The following PDS5A variants were observed in gnomAD, a reference collection of about 807,000 sequenced individuals.
PDS5A encodes PDS5 cohesin associated factor A, also known as sister chromatid cohesion protein PDS5 homolog A.
Under a neutral mutation model 167.1 loss-of-function variants are expected in PDS5A, and 42 were observed. That is an observed-to-expected ratio of 0.25 (90% confidence interval 0.20 to 0.33). PDS5A has a LOEUF of 0.33. Ranked by LOEUF, PDS5A falls within the 10% of genes least tolerant of loss-of-function variation. The pLI is 1.00. For missense variants in PDS5A, 1,033 were observed against 1,605.9 expected, an observed-to-expected ratio of 0.64 and a Z score of 6.10; for synonymous variants, 553 against 554.6, an observed-to-expected ratio of 1.00 and a Z score of 0.04.
chr4:39,973,168 T>C, intron 2 of PDS5A: 2 of 1,021,904 alleles, frequency 2.0e-6, no homozygotes, highest in African/African-American at 1.6e-5. Flanking sequence ...AACTGCTTTC[T>C]GGGTAGCCTC....
chr4:39,935,122 T>TATTGATTG (rs796770793), intron 2 of PDS5A, among the ~76,000 whole-genome samples: 1 of 152,224 alleles, frequency 6.6e-6, no homozygotes, highest in Non-Finnish European at 1.5e-5. Flanking sequence ...TCCGCTGTGG[T>TATTGATTG]ATTGATTGAT....
At chr4:39,856,806 ACT>A (rs1280854691) in intron 26 of PDS5A, among the ~76,000 whole-genome samples, 1 of 152,122 alleles carries the variant, frequency 6.6e-6, no homozygotes, top group East Asian at 1.9e-4. Context: ...ACAGAGTGAG[ACT>A]CTGTCTCAAA....
chr4:39,839,904 G>A (rs1189241507), intron 31 of PDS5A, among the ~76,000 whole-genome samples: 3 of 151,716 alleles, frequency 2.0e-5, no homozygotes, highest in Admixed American at 6.6e-5. Context: ...GACCAGCCTG[G>A]CCAACATGGT....
chr4:39,862,799 G>GA (rs11300861), intron 25 of PDS5A, 70 bp downstream of exon 25: 10,108 of 799,542 alleles, frequency 0.013, no homozygotes, highest in East Asian at 0.017. Flanking sequence ...CACATGACAA[G>GA]AAAAAAAAAA....
chr4:39,960,182 T>C (rs949782834), intron 2 of PDS5A, among the ~76,000 whole-genome samples: 3 of 151,884 alleles, frequency 2.0e-5, no homozygotes, highest in Non-Finnish European at 2.9e-5. Flanking sequence ...AGACACAGAA[T>C]CGCTTGAACC....
chr4:39,938,721 C>T lies in PDS5A; in HGVS notation c.139-10557G>A, dbSNP rs186512652. Among the ~76,000 whole-genome samples the T allele has an allele frequency of 3.3e-5, 5 of 151,760 alleles. No homozygotes were observed. In the East Asian group the frequency reaches 9.8e-4, roughly 30 times the overall value. Reference sequence around the variant, plus strand: ...GCGCAGTAGCTCATGCCTGTAATCCCAGCACTTTGGGAGGCTGAGGCCGAT... The same window carrying T: ...GCGCAGTAGCTCATGCCTGTAATCCTAGCACTTTGGGAGGCTGAGGCCGAT... On this transcript the variant is annotated intron_variant, in intron 2 of 32. Coordinates refer to ENST00000303538, the MANE Select transcript of PDS5A (RefSeq NM_001100399.2).
chr4:39,891,638 C>T (rs1721973792), intron 16 of PDS5A, among the ~76,000 whole-genome samples: 1 of 151,432 alleles, frequency 6.6e-6, no homozygotes, highest in African/African-American at 2.4e-5. Context: ...ACAAGAGCAA[C>T]TCCATCTCAA....
rs958354255 is a variant in PDS5A, at chr4:39,961,359, C to T, written c.138+15081G>A. On this transcript the variant is annotated intron_variant, in intron 2 of 32. Coordinates refer to ENST00000303538, the MANE Select transcript of PDS5A (RefSeq NM_001100399.2). ...TGTCGCCCAGGCTGAAGGGTAGTGG[C>T]GCCATCTCGGCTCACTGTCTCAGCC... is the stretch of plus-strand genomic sequence containing the variant. Among the ~76,000 whole-genome samples, 5 of 151,926 alleles carry T rather than the reference C, an allele frequency of 3.3e-5. No homozygotes were observed. The South Asian group carries it at 6.2e-4, about 19-fold the overall frequency.
chr4:39,841,856 C>CATTG (rs964134698), intron 31 of PDS5A, 92 bp downstream of exon 31: 41 of 691,984 alleles, frequency 5.9e-5, no homozygotes, highest in Non-Finnish European at 1.0e-4. Context: ...GTAGCATGTG[C>CATTG]ATTGAAGTGT....
At chr4:39,940,726 C>T (rs1727147099) in intron 2 of PDS5A, among the ~76,000 whole-genome samples, 1 of 152,262 alleles carries the variant, frequency 6.6e-6, no homozygotes, top group Admixed American at 6.5e-5. Flanking sequence ...CAGAGGCGCT[C>T]ACTGCAGCCT....
intron 32 of PDS5A, 48 bp downstream of exon 32, chr4:39,837,808 A>T: frequency 7.0e-7 from 1 of 1,421,832 alleles, no homozygotes. Context: ...TACTACGAAT[A>T]AAACAAAATG....
intron 17 of PDS5A, 115 bp from the exon 18 acceptor site, chr4:39,879,948 T>C: frequency 1.7e-6 from 1 of 597,134 alleles, no homozygotes; most frequent in Non-Finnish European, 2.8e-6. Flanking sequence ...GGAGTTTCTG[T>C]GGGGGAAAAA....
chr4:39,845,812 T>G lies in PDS5A; in HGVS notation c.3402+6A>C, dbSNP rs1717539432. The G allele has an allele frequency of 1.4e-6, 2 of 1,404,606 alleles. No individual in the cohort carries two copies. Among genetic ancestry groups the G allele is most frequent in the African/African-American group, 1.5e-5 (1 of 65,954 alleles). 87.0% of individuals were successfully genotyped at this position (1,404,606 alleles called of 1,614,324 possible). A position where few individuals can be genotyped will look rare whatever the true frequency, so the allele number is the denominator to read the frequency against. On this transcript the variant is annotated splice_donor_region_variant and intron_variant, in intron 29 of 32. Coordinates refer to ENST00000303538, the MANE Select transcript of PDS5A (RefSeq NM_001100399.2). ...AAAGATCTCAAAATTATTAAGTAAA[T>G]AATACCTTTCCTGTTAACAGAAGTA...
intron 30 of PDS5A, among the ~76,000 whole-genome samples, chr4:39,844,047 T>C (rs557607480): frequency 6.6e-6 from 1 of 151,812 alleles, no homozygotes; most frequent in Admixed American, 6.6e-5. Context: ...CTACTTGGGA[T>C]GCTGAAGCGA....
chr4:39,963,915 T>C (rs559937288), intron 2 of PDS5A, among the ~76,000 whole-genome samples: 83 of 152,016 alleles, frequency 5.5e-4, no homozygotes, highest in African/African-American at 1.9e-3. Flanking sequence ...AATTAGCTTT[T>C]TTTTCCCCCC....
At chr4:39,971,453 G>A (rs1453183656) in intron 2 of PDS5A, among the ~76,000 whole-genome samples, 1 of 151,390 alleles carries the variant, frequency 6.6e-6, no homozygotes, top group African/African-American at 2.4e-5. Context: ...ACCGCACCGG[G>A]CCTGCCTTTA....
chr4:39,843,481 C>T (rs1717251436), intron 30 of PDS5A, among the ~76,000 whole-genome samples: 1 of 152,118 alleles, frequency 6.6e-6, no homozygotes, highest in African/African-American at 2.4e-5. Context: ...TGACTGTAAT[C>T]CCAGCACTTT....
At chr4:39,850,164 C>T (rs921279308) in intron 26 of PDS5A, among the ~76,000 whole-genome samples, 1 of 151,122 alleles carries the variant, frequency 6.6e-6, no homozygotes, top group Non-Finnish European at 1.5e-5. Context: ...CCCGGCTACT[C>T]GGGAGGCTGA....
At position 39,824,450 on chromosome 4, in the gene PDS5A, A is replaced by G. The variant is rs150796130; in HGVS notation, c.*1035T>C. ...GATGCAACAGTTTTCTAAAATAAAC[A>G]TAAAAATGAGCCCAGACCATCAGAC... On this transcript the variant is annotated 3_prime_UTR_variant, in exon 33 of 33. Coordinates refer to ENST00000303538, the MANE Select transcript of PDS5A (RefSeq NM_001100399.2). 1 of 152,540 alleles carries G rather than the reference A, an allele frequency of 6.6e-6. No individual in the cohort carries two copies. The highest frequency in any genetic ancestry group is 6.5e-5 in the Admixed American group (1 of 15,304). 9.4% of individuals were successfully genotyped at this position (152,540 alleles called of 1,614,324 possible).
Sources: gnomAD v4.1 joint callset for allele counts (sites outside exome capture counted in the v4.1 genomes callset) on GRCh38, gnomAD v4.1.1 for gene constraint, MANE v1.5 for transcripts, NCBI Gene and HGNC (gene_info 2026-07-23, HGNC 2026-07-21) for gene names.